The following PRKG1 variants were observed in gnomAD, a reference collection of about 807,000 sequenced individuals.
PRKG1 encodes the protein protein kinase cGMP-dependent 1, also known as cGMP-dependent protein kinase 1.
A neutral mutation model predicts 88.1 loss-of-function variants in PRKG1; 35 were observed. The observed-to-expected ratio is 0.40, with a 90% CI of 0.30 to 0.53. The LOEUF is 0.53. PRKG1 is among the 20% of genes least tolerant of loss of function. The pLI, the probability that PRKG1 is intolerant of heterozygous loss-of-function variation, is 0.59. For synonymous variants in PRKG1, 303 were observed against 292.5 expected (o/e 1.04, Z -0.37); for missense variants, 540 against 839.8 (o/e 0.64, Z 4.41).
At chr10:51,767,945 A>G (rs1264109862) in intron 3 of PRKG1, among the ~76,000 whole-genome samples, 6 of 152,086 alleles carry the variant, frequency 3.9e-5, no homozygotes, top group Non-Finnish European at 8.8e-5. Flanking sequence ...AAATGCCTGT[A>G]TTGCATTCTA....
chr10:51,835,898 TGTTTC>T, intron 4 of PRKG1, among the ~76,000 whole-genome samples: 1 of 152,228 alleles, frequency 6.6e-6, no homozygotes, highest in East Asian at 1.9e-4. Flanking sequence ...ATACTTGTTA[TGTTTC>T]ATGTTTTTAA....
chr10:51,442,555 G>A (rs1839147579), intron 2 of PRKG1, among the ~76,000 whole-genome samples: 1 of 151,988 alleles, frequency 6.6e-6, no homozygotes, highest in South Asian at 2.1e-4. Context: ...GAAGAAGAGT[G>A]TATAATCTGA....
intron 2 of PRKG1, among the ~76,000 whole-genome samples, chr10:51,397,831 G>A (rs764357614): frequency 5.3e-5 from 8 of 152,150 alleles, no homozygotes; most frequent in Non-Finnish European, 1.2e-4. Flanking sequence ...TCAACCAGCT[G>A]TACTTTGGCA....
intron 3 of PRKG1, among the ~76,000 whole-genome samples, chr10:51,528,024 C>T (rs1037825662): frequency 1.3e-5 from 2 of 152,120 alleles, no homozygotes; most frequent in African/African-American, 4.8e-5. Context: ...AAACCCACAG[C>T]GTGGTGGTTT....
intron 3 of PRKG1, among the ~76,000 whole-genome samples, chr10:51,748,568 T>C (rs1837638820): frequency 6.6e-6 from 1 of 152,192 alleles, no homozygotes; most frequent in African/African-American, 2.4e-5. Flanking sequence ...AAAGATAGCA[T>C]TTCAATAATT....
chr10:51,187,063 T>G (rs1837511610), intron 2 of PRKG1, among the ~76,000 whole-genome samples: 1 of 150,662 alleles, frequency 6.6e-6, no homozygotes, highest in Non-Finnish European at 1.5e-5. Flanking sequence ...TTAATTAAAT[T>G]AAAATGTTTA....
intron 8 of PRKG1, among the ~76,000 whole-genome samples, chr10:52,149,034 G>C (rs1460681423): frequency 2.1e-5 from 3 of 141,190 alleles, no homozygotes; most frequent in Non-Finnish European, 3.0e-5. Flanking sequence ...AAAGTCAAAA[G>C]GGAAACAACA....
intron 2 of PRKG1, among the ~76,000 whole-genome samples, chr10:51,334,544 C>T (rs1285923696): frequency 6.6e-6 from 1 of 152,164 alleles, no homozygotes; most frequent in Non-Finnish European, 1.5e-5. Context: ...TCTTCAGCAC[C>T]ACTGTATTTC....
chr10:51,856,704 G>A (rs1227835433), intron 4 of PRKG1, among the ~76,000 whole-genome samples: 5 of 152,110 alleles, frequency 3.3e-5, no homozygotes, highest in Non-Finnish European at 4.4e-5. Flanking sequence ...GGTGGCTTAC[G>A]CCTGTAATCC....
chr10:51,551,523 A>T (rs1191126343), intron 3 of PRKG1, among the ~76,000 whole-genome samples: 2 of 151,828 alleles, frequency 1.3e-5, no homozygotes, highest in Admixed American at 6.6e-5. Context: ...AATTGAATAC[A>T]GTATATGTGT....
At chr10:51,711,263 G>A (rs1841742543) in intron 3 of PRKG1, among the ~76,000 whole-genome samples, 1 of 151,858 alleles carries the variant, frequency 6.6e-6, no homozygotes, top group Non-Finnish European at 1.5e-5. Context: ...CCGCCACCAC[G>A]CCTGGCTAAT....
At chr10:51,197,605 C>A (rs1039131912) in intron 2 of PRKG1, among the ~76,000 whole-genome samples, 1 of 151,714 alleles carries the variant, frequency 6.6e-6, no homozygotes, top group African/African-American at 2.4e-5. Context: ...ATGCAGTGAA[C>A]CAGAAATTCT....
intron 3 of PRKG1, among the ~76,000 whole-genome samples, chr10:51,767,163 C>T (rs1476597357): frequency 6.6e-6 from 1 of 152,086 alleles, no homozygotes; most frequent in African/African-American, 2.4e-5. Flanking sequence ...CACAGATCTC[C>T]CCGTTTTCTG....
At chr10:51,022,721 C>T (rs1193607745) in intron 1 of PRKG1, among the ~76,000 whole-genome samples, 1 of 152,116 alleles carries the variant, frequency 6.6e-6, no homozygotes, top group East Asian at 1.9e-4. Context: ...AAAAAAAGAT[C>T]CTTGTCCACT....
intron 5 of PRKG1, among the ~76,000 whole-genome samples, chr10:51,934,342 G>T (rs1440716635): frequency 6.6e-6 from 1 of 151,712 alleles, no homozygotes; most frequent in African/African-American, 2.4e-5. Context: ...GTGCATTAAG[G>T]AACAATTCTA....
At chr10:51,747,977 CCCTTACTTG>C (rs1239334148) in intron 3 of PRKG1, among the ~76,000 whole-genome samples, 1 of 152,158 alleles carries the variant, frequency 6.6e-6, no homozygotes, top group Non-Finnish European at 1.5e-5. Context: ...CCAAGTGAGG[CCCTTACTTG>C]CCTGAGGTCT....
chr10:51,324,627 G>A lies in PRKG1; in HGVS notation c.479-143096G>A, dbSNP rs559517798. On this transcript the variant is annotated intron_variant, in intron 2 of 17. Coordinates refer to ENST00000373980, the MANE Select transcript of PRKG1 (RefSeq NM_006258.4). The stretch of plus-strand genomic sequence containing the variant: ...GTGGTGGCGGGCGCCTGTAATCCCA[G>A]CTACTCGGGAGGCTGAGGCAGGACA... 3.3e-5 allele frequency among the ~76,000 whole-genome samples: 5 copies of A among 151,090 alleles called. No homozygotes were observed. The South Asian group carries it at 6.3e-4, about 19-fold the overall frequency.
Position 51,567,288 on chromosome 10 carries a change from G to A in PRKG1, c.592+99452G>A, listed in dbSNP as rs1440865640. On this transcript the variant is annotated intron_variant, in intron 3 of 17. Coordinates refer to ENST00000373980, the MANE Select transcript of PRKG1 (RefSeq NM_006258.4). ...ACCACTTTTTCATGTTCACACCTGC[G>A]GCACCAAAAGCAAAAGAAAGCCTCC... Among the ~76,000 whole-genome samples the A allele has an allele frequency of 4.6e-5, 7 of 151,950 alleles. No individual in the cohort carries two copies. In the South Asian group the frequency reaches 1.5e-3, roughly 32 times the overall value.
At chr10:51,418,739 A>G (rs1838318013) in intron 2 of PRKG1, among the ~76,000 whole-genome samples, 1 of 152,164 alleles carries the variant, frequency 6.6e-6, no homozygotes, top group South Asian at 2.1e-4. Flanking sequence ...CCCCATAGAA[A>G]ACTACAGTGG....
Sources: gnomAD v4.1 joint callset for allele counts (sites outside exome capture counted in the v4.1 genomes callset) on GRCh38, gnomAD v4.1.1 for gene constraint, MANE v1.5 for transcripts, NCBI Gene and HGNC (gene_info 2026-07-23, HGNC 2026-07-21) for gene names.